Variants in NSFL1C observed in about 807,000 individuals in gnomAD.
NSFL1C encodes NSFL1 cofactor, also known as NSFL1 cofactor p47.
NSFL1C carries 14 observed loss-of-function variants against 43.1 expected under a neutral mutation model. That is an observed-to-expected ratio of 0.32 (90% CI 0.21 to 0.51). The LOEUF (loss-of-function observed/expected upper bound fraction) is 0.51. NSFL1C is among the 20% of genes least tolerant of loss of function. The pLI, the probability that NSFL1C is intolerant of heterozygous loss-of-function variation, is 0.98. For synonymous variants in NSFL1C, 171 were observed against 183.5 expected (o/e 0.93, Z 0.55); for missense variants, 406 against 472.5 (o/e 0.86, Z 1.30).
intron 5 of NSFL1C, among the ~76,000 whole-genome samples, chr20:1,453,514 A>T (rs183985777): frequency 5.8e-4 from 89 of 152,290 alleles, no homozygotes; most frequent in African/African-American, 2.0e-3. Flanking sequence ...ACTATTCCAC[A>T]GTCATTAAAA....
rs554074006 is a variant in NSFL1C, at chr20:1,455,941, C to T, written c.279-809G>A. 91 of 598,386 alleles carry T rather than the reference C, an allele frequency of 1.5e-4. 1 individual carries two copies. Among genetic ancestry groups the T allele is most frequent in the Middle Eastern group, 1.3e-3 (3 of 2,254 alleles). The allele number at this position is 598,386 out of a possible 1,614,324, so 37.1% of individuals were successfully genotyped here. On this transcript the variant is annotated intron_variant, in intron 3 of 8. Transcript: ENST00000216879. ...CAAGCCCCAAGACACCCACACTGGG[C>T]TTTGCAATAGGCCAGGCATGGCTTG...
In NSFL1C at chr20:1,454,222, G is replaced by A; in HGVS notation, c.528C>T (p.Ser176=). The change falls in exon 5 of 9, where the codon TCC becomes TCT. Residue 176 remains serine, a synonymous_variant. Coordinates refer to ENST00000216879, the MANE Select transcript of NSFL1C (RefSeq NM_016143.5). ...AGGTGGATGCACTCACATCTTGGCT[G>A]GAATGCTGCCTCTTTTCTCCTGCCA... is the stretch of plus-strand genomic sequence containing the variant. ...AYVAGEKRQH[S]SQDVHVVLKL... is the part of the protein sequence containing the mutation. The A allele has an allele frequency of 1.2e-6, 2 of 1,613,068 alleles. No individual in the cohort carries two copies. The highest frequency in any genetic ancestry group is 1.7e-5 in the Admixed American group (1 of 60,030).
intron 2 of NSFL1C, among the ~76,000 whole-genome samples, chr20:1,459,611 G>A (rs546284157): frequency 3.3e-5 from 5 of 152,272 alleles, no homozygotes; most frequent in East Asian, 3.9e-4. Context: ...AGACAATCAG[G>A]GGACAGAAGA....
intron 2 of NSFL1C, chr20:1,463,502 A>G (rs2090454249): frequency 6.6e-6 from 1 of 152,230 alleles, no homozygotes; most frequent in South Asian, 2.1e-4. Context: ...TCCTTCTTCG[A>G]AGGGAGGAAA....
Position 1,454,960 on chromosome 20 carries a change from T to C in NSFL1C, c.444+7A>G. The C allele has an allele frequency of 6.2e-7, 1 of 1,612,798 alleles. No homozygotes were observed. The highest frequency in any genetic ancestry group is 1.1e-5 in the South Asian group (1 of 91,032). On this transcript the variant is annotated splice_region_variant and intron_variant, in intron 4 of 8. Coordinates refer to ENST00000216879, the MANE Select transcript of NSFL1C (RefSeq NM_016143.5). ...CTGTGGGCACAGACAATGACCCTTA[T>C]ACTCACTCTCGGTTTACTGGTCTCT...
chr20:1,464,794 A>G (rs2090477358), intron 1 of NSFL1C, among the ~76,000 whole-genome samples: 1 of 152,238 alleles, frequency 6.6e-6, no homozygotes, highest in Non-Finnish European at 1.5e-5. Context: ...ACTCTATGCT[A>G]TTAGTACTCT....
At chr20:1,451,319 G>C (rs1022081072) in intron 7 of NSFL1C, among the ~76,000 whole-genome samples, 7 of 152,238 alleles carry the variant, frequency 4.6e-5, no homozygotes, top group Admixed American at 4.6e-4. Flanking sequence ...GATTCCAGGA[G>C]AGGGCCAGCC....
At chr20:1,463,864 T>G (rs2090459851) in intron 2 of NSFL1C, 1 of 155,506 alleles carries the variant, frequency 6.4e-6, no homozygotes, top group South Asian at 1.9e-4. Context: ...TTTTACCTAG[T>G]AAGACAAGGT....
At position 1,452,481 on chromosome 20, in the gene NSFL1C, G is replaced by A; in HGVS notation, c.785+12C>T. On this transcript the variant is annotated intron_variant, in intron 7 of 8. Coordinates refer to ENST00000216879, the MANE Select transcript of NSFL1C (RefSeq NM_016143.5). ...TTGACAGAGTCTGGCTCTAACCTGTGCTGCCCCTTACCTGCCCAGTTTCTG... is the reference window on the plus strand; with the variant it reads ...TTGACAGAGTCTGGCTCTAACCTGTACTGCCCCTTACCTGCCCAGTTTCTG... The A allele has an allele frequency of 6.2e-7, 1 of 1,613,822 alleles. No homozygotes were observed. Among genetic ancestry groups the A allele is most frequent in the South Asian group, 1.1e-5 (1 of 91,020 alleles).
chr20:1,442,240 T>C lies in NSFL1C; in HGVS notation c.*1509A>G, dbSNP rs2089964251. ...TTTCCAGACCCATATGTAGGTTCCA[T>C]AATCTCCACCTGCTGGAGAAAACAC... is the stretch of plus-strand genomic sequence containing the variant. On this transcript the variant is annotated 3_prime_UTR_variant, in exon 9 of 9. Transcript: ENST00000216879. The C allele has an allele frequency of 1.3e-5, 2 of 152,234 alleles. No homozygotes were observed. Among genetic ancestry groups the C allele is most frequent in the South Asian group, 2.1e-4 (1 of 4,836 alleles). The allele number at this position is 152,234 out of a possible 1,614,324, so 9.4% of individuals were successfully genotyped here.
At chr20:1,450,623 A>C (rs2090163384) in intron 7 of NSFL1C, among the ~76,000 whole-genome samples, 1 of 152,218 alleles carries the variant, frequency 6.6e-6, no homozygotes, top group Admixed American at 6.5e-5. Context: ...TGGTGTTCTG[A>C]AGTTCTGAGC....
At position 1,443,642 on chromosome 20, in the gene NSFL1C, C is replaced by T; in HGVS notation, c.*107G>A. ...ACCCAGAGCTATGGAGGAGACGTTG[C>T]ACTGGACTGCTGGGTGTGCACAAGG... On this transcript the variant is annotated 3_prime_UTR_variant, in exon 9 of 9. Transcript: ENST00000216879. 8.7e-7 allele frequency: 1 copy of T among 1,146,400 alleles called. No individual in the cohort carries two copies. 71.0% of individuals were successfully genotyped at this position (1,146,400 alleles called of 1,614,324 possible). A position where few individuals can be genotyped will look rare whatever the true frequency, so the allele number is the denominator to read the frequency against.
chr20:1,455,901 C>T lies in NSFL1C; in HGVS notation c.279-769G>A, dbSNP rs1352113832. ...GAAAGGGTACTGGAGGTCAGAGAAG[C>T]TCCAATCTCAAATACAAGCCCCAAG... On this transcript the variant is annotated intron_variant, in intron 3 of 8. Coordinates refer to ENST00000216879, the MANE Select transcript of NSFL1C (RefSeq NM_016143.5). The T allele has an allele frequency of 7.7e-6, 5 of 648,408 alleles. No homozygotes were observed. In the Admixed American group the frequency reaches 1.1e-4, roughly 14 times the overall value. 40.2% of individuals were successfully genotyped at this position (648,408 alleles called of 1,614,324 possible). A position where few individuals can be genotyped will look rare whatever the true frequency, so the allele number is the denominator to read the frequency against.
At chr20:1,450,317 C>A (rs1045673963) in intron 7 of NSFL1C, among the ~76,000 whole-genome samples, 6 of 151,868 alleles carry the variant, frequency 4.0e-5, no homozygotes, top group Middle Eastern at 3.2e-3. Flanking sequence ...AGTCCCATCT[C>A]ACTTAACTTT....
intron 7 of NSFL1C, among the ~76,000 whole-genome samples, chr20:1,450,545 CATA>C (rs1454514869): frequency 6.6e-6 from 1 of 152,184 alleles, no homozygotes; most frequent in Non-Finnish European, 1.5e-5. Context: ...GTTTCACACA[CATA>C]ATATGGTTAG....
rs2089966638 is a variant in NSFL1C, at chr20:1,442,385, G to T, written c.*1364C>A. 1 of 152,252 alleles carries T rather than the reference G, an allele frequency of 6.6e-6. No individual in the cohort carries two copies. Among genetic ancestry groups the T allele is most frequent in the South Asian group, 2.1e-4 (1 of 4,828 alleles). 9.4% of individuals were successfully genotyped at this position (152,252 alleles called of 1,614,324 possible). On this transcript the variant is annotated 3_prime_UTR_variant, in exon 9 of 9. Transcript: ENST00000216879. The stretch of plus-strand genomic sequence containing the variant: ...GGTTGAAACCACAAGCCCTTCTGCA[G>T]TTCTAGGTGGATGTAGTGTTGGTTC...
intron 2 of NSFL1C, among the ~76,000 whole-genome samples, chr20:1,463,040 T>G (rs1162148675): frequency 6.6e-6 from 1 of 152,172 alleles, no homozygotes; most frequent in Non-Finnish European, 1.5e-5. Flanking sequence ...ACTGAAACGT[T>G]AAGTAACCTG....
chr20:1,443,886 C>T lies in NSFL1C; in HGVS notation c.976G>A (p.Val326Met), dbSNP rs148691910. The T allele has an allele frequency of 7.1e-4, 1,151 of 1,612,862 alleles. No individual in the cohort carries two copies. The highest frequency in any genetic ancestry group is 8.8e-4 in the Non-Finnish European group (1,042 of 1,179,866). The change falls in exon 9 of 9, where the codon GTG (valine) becomes ATG (methionine). Residue 326 changes from valine (V) to methionine (M), a missense_variant. Physicochemically the swap from Val to Met is conservative, Grantham distance 21. This residue lies in a region of NSFL1C where 196 missense variants were observed against 228.0 expected (regional missense o/e 0.86). Transcript: ENST00000216879. ...HRISDIRLFI[V>M]DARPAMAATS... Reference sequence around the variant, plus strand: ...GCAGCCATGGCTGGCCGGGCATCCACGATGAAGAGTCGGATGTCGCTGATC... The same window carrying T: ...GCAGCCATGGCTGGCCGGGCATCCATGATGAAGAGTCGGATGTCGCTGATC...
At chr20:1,454,565 C>G (rs2090255890) in intron 4 of NSFL1C, among the ~76,000 whole-genome samples, 1 of 152,212 alleles carries the variant, frequency 6.6e-6, no homozygotes, top group Non-Finnish European at 1.5e-5. Context: ...ACAGATGCTA[C>G]TAAACTCTCA....
Sources: gnomAD v4.1 joint callset for allele counts (sites outside exome capture counted in the v4.1 genomes callset) on GRCh38, gnomAD v4.1.1 for gene constraint, gnomAD v4.1.1 regional missense constraint, MANE v1.5 for transcripts, NCBI Gene and HGNC (gene_info 2026-07-23, HGNC 2026-07-21) for gene names.